MTMR8: variants seen among roughly 807,000 people sequenced by gnomAD.
The protein encoded by MTMR8 is myotubularin related protein 8.
In MTMR8, 65 loss-of-function variants were observed where a neutral mutation model predicts 39.3. That is an observed-to-expected ratio of 1.65 (90% CI 1.35 to 2.03). The LOEUF (loss-of-function observed/expected upper bound fraction) is 2.03, where lower values mean the gene tolerates loss of function less well. Ranked by LOEUF, MTMR8 falls within the 30% of genes most tolerant of loss-of-function variation. The pLI is 0.00. For synonymous variants in MTMR8, 245 were observed against 185.2 expected (o/e 1.32, Z -2.62); for missense variants, 777 against 538.9 (o/e 1.44, Z -4.37).
At chrX:64,290,199 AG>A (rs1184042898) in intron 12 of MTMR8, among the ~76,000 whole-genome samples, 1 of 110,270 alleles carries the variant, frequency 9.1e-6, no homozygotes, top group Non-Finnish European at 1.9e-5. Flanking sequence ...AACCTAAAAA[AG>A]TGAACTAACA....
intron 1 of MTMR8, among the ~76,000 whole-genome samples, chrX:64,390,318 G>A (rs919055611): frequency 5.3e-5 from 6 of 112,185 alleles, no homozygotes; most frequent in Non-Finnish European, 1.1e-4. Context: ...GTTACAAAGT[G>A]TTATTAACAT....
At chrX:64,302,147 G>A (rs771870413) in intron 12 of MTMR8, among the ~76,000 whole-genome samples, 4 of 112,707 alleles carry the variant, frequency 3.5e-5, no homozygotes, top group African/African-American at 9.6e-5. Context: ...GGGCAATGGC[G>A]GGCGCCCCTC....
chrX:64,350,698 C>T (rs1158418322), intron 4 of MTMR8, among the ~76,000 whole-genome samples: 1 of 110,907 alleles, frequency 9.0e-6, no homozygotes, highest in Non-Finnish European at 1.9e-5. Flanking sequence ...CATATCTGGA[C>T]GGCCTTTAAA....
intron 12 of MTMR8, among the ~76,000 whole-genome samples, chrX:64,276,503 A>G (rs1931874968): frequency 9.0e-6 from 1 of 111,474 alleles, no homozygotes; most frequent in African/African-American, 3.3e-5. Context: ...CTTAATTTCA[A>G]TAATTACCCA....
chrX:64,395,364 G>A lies in MTMR8; in HGVS notation c.-1C>T. 4 of 1,209,800 alleles carry A rather than the reference G, an allele frequency of 3.3e-6. No homozygotes were observed. Among genetic ancestry groups the A allele is most frequent in the Middle Eastern group, 2.3e-4 (1 of 4,352 alleles). ...CCTTGGGTACCGTAATATGATCCAT[G>A]ACTGCAGTTCCCGCCACCGGAAGAT... On this transcript the variant is annotated 5_prime_UTR_variant, in exon 1 of 14. Transcript: ENST00000374852.
intron 2 of MTMR8, among the ~76,000 whole-genome samples, chrX:64,356,769 C>T (rs1170928607): frequency 1.2e-4 from 13 of 110,248 alleles, no homozygotes; most frequent in African/African-American, 4.3e-4. Context: ...CAAAGTAGTC[C>T]ATGACCATTA....
chrX:64,291,909 G>T (rs749542967), intron 12 of MTMR8, among the ~76,000 whole-genome samples: 1 of 111,418 alleles, frequency 9.0e-6, no homozygotes. Flanking sequence ...AGCTGCCCAG[G>T]GAAGGTCAGC....
At chrX:64,395,292 C>T in intron 1 of MTMR8, 48 bp downstream of exon 1, 1 of 1,194,994 alleles carries the variant, frequency 8.4e-7, no homozygotes, top group East Asian at 3.0e-5. Flanking sequence ...CAGGTGAGCA[C>T]CAAGAGGAAG....
chrX:64,382,031 G>A, intron 1 of MTMR8, among the ~76,000 whole-genome samples: 1 of 111,580 alleles, frequency 9.0e-6, no homozygotes. Flanking sequence ...TTGAAGTCAG[G>A]TAGTGTGATG....
chrX:64,335,330 C>T (rs1602136461), intron 10 of MTMR8, among the ~76,000 whole-genome samples: 1 of 111,206 alleles, frequency 9.0e-6, no homozygotes, highest in African/African-American at 3.3e-5. Flanking sequence ...AGGGGTTTCA[C>T]CATATTGGCC....
In MTMR8 at chrX:64,348,807, G is replaced by T. The variant is rs762546595; in HGVS notation, c.598-13C>A. The stretch of plus-strand genomic sequence containing the variant: ...GGCAAATGGCAGCCTGTAAGGAAAA[G>T]GTGTGTCAGTTGAGTGATTATATTC... On this transcript the variant is annotated splice_polypyrimidine_tract_variant and intron_variant, in intron 5 of 13. Coordinates refer to ENST00000374852, the MANE Select transcript of MTMR8 (RefSeq NM_017677.4). The T allele has an allele frequency of 1.7e-6, 2 of 1,207,405 alleles. No individual in the cohort carries two copies. Among genetic ancestry groups the T allele is most frequent in the African/African-American group, 3.5e-5 (2 of 57,123 alleles).
intron 4 of MTMR8, 126 bp downstream of exon 4, chrX:64,354,651 C>T: frequency 2.9e-6 from 2 of 698,586 alleles, no homozygotes; most frequent in Non-Finnish European, 4.1e-6. Context: ...TGTTGAATGG[C>T]TGAATGTTGA....
At chrX:64,313,300 C>T (rs1922368619) in intron 12 of MTMR8, among the ~76,000 whole-genome samples, 1 of 112,552 alleles carries the variant, frequency 8.9e-6, no homozygotes, top group Non-Finnish European at 1.9e-5. Flanking sequence ...TGTTGCTTCA[C>T]CTTGCACTTT....
At chrX:64,385,272 T>C (rs192494206) in intron 1 of MTMR8, among the ~76,000 whole-genome samples, 1 of 111,844 alleles carries the variant, frequency 8.9e-6, no homozygotes, top group East Asian at 2.8e-4. Context: ...TGGACTTCAT[T>C]GTCCATATCA....
intron 1 of MTMR8, among the ~76,000 whole-genome samples, chrX:64,377,983 CTG>C (rs1924314259): frequency 9.0e-6 from 1 of 111,671 alleles, no homozygotes; most frequent in African/African-American, 3.3e-5. Context: ...CCCTTTTGCT[CTG>C]TCTCTCTCTT....
intron 5 of MTMR8, among the ~76,000 whole-genome samples, 173 bp downstream of exon 5, chrX:64,349,769 A>G (rs754808567): frequency 8.9e-5 from 10 of 112,143 alleles, no homozygotes; most frequent in East Asian, 2.8e-4. Flanking sequence ...TACAAAGTAC[A>G]TTGTACATAT....
chrX:64,331,275 CAATT>C (rs1478702560), intron 11 of MTMR8: 1 of 316,203 alleles, frequency 3.2e-6, no homozygotes, highest in Non-Finnish European at 5.6e-6. Context: ...ACCTGCACAG[CAATT>C]AATTATTTGC....
At chrX:64,361,683 A>G (rs1923784313) in intron 1 of MTMR8, among the ~76,000 whole-genome samples, 1 of 111,665 alleles carries the variant, frequency 9.0e-6, no homozygotes, top group Non-Finnish European at 1.9e-5. Flanking sequence ...AACGATCTTA[A>G]CTTGGTAAAA....
At chrX:64,296,455 A>G (rs1921586364) in intron 12 of MTMR8, among the ~76,000 whole-genome samples, 1 of 110,716 alleles carries the variant, frequency 9.0e-6, no homozygotes, top group African/African-American at 3.3e-5. Flanking sequence ...TAAAATGGTA[A>G]ATTTTATGTT....
Sources: allele counts gnomAD v4.1 joint callset (sites outside exome capture counted in the v4.1 genomes callset), GRCh38; gene constraint gnomAD v4.1.1; transcripts MANE v1.5; gene names NCBI Gene and HGNC (gene_info 2026-07-23, HGNC 2026-07-21).